Variants in PRKN observed in about 807,000 individuals in gnomAD.
PRKN encodes the protein parkin RBR E3 ubiquitin protein ligase.
In PRKN, 56 loss-of-function variants were observed where a neutral mutation model predicts 59.5. The ratio of observed to expected loss-of-function variants is 0.94; its 90% CI spans 0.76 to 1.18. PRKN has a LOEUF of 1.18. PRKN is among the 50% of genes most tolerant of loss of function. The probability of loss-of-function intolerance (pLI) is 0.00; values close to 1 mark genes in which losing one functional copy is unlikely to be tolerated. For synonymous variants in PRKN, 250 were observed against 222.1 expected (o/e 1.13, Z -1.12); for missense variants, 657 against 596.4 (o/e 1.10, Z -1.06).
At chr6:161,752,578 A>G (rs985253652) in intron 7 of PRKN, among the ~76,000 whole-genome samples, 2 of 152,076 alleles carry the variant, frequency 1.3e-5, no homozygotes, top group Admixed American at 6.6e-5. Context: ...CTGTAGTCCC[A>G]GATACTCAGG....
In PRKN at chr6:161,669,628, C is replaced by T. The variant is rs545242685; in HGVS notation, c.872-100212G>A. Among the ~76,000 whole-genome samples the T allele has an allele frequency of 8.7e-4, 133 of 152,310 alleles. 1 individual carries two copies. Among genetic ancestry groups the T allele is most frequent in the Non-Finnish European group, 2.6e-4 (18 of 68,030 alleles). On this transcript the variant is annotated intron_variant, in intron 7 of 11. Coordinates refer to ENST00000366898, the MANE Select transcript of PRKN (RefSeq NM_004562.3). The stretch of plus-strand genomic sequence containing the variant: ...CCACACAGAGAGACAGGTTCATTTA[C>T]GTCTCTTTAAAAATGGTTCTTCTGC...
At chr6:162,577,561 T>C (rs140622557) in intron 1 of PRKN, among the ~76,000 whole-genome samples, 1,566 of 151,124 alleles carry the variant, frequency 0.01, 27 homozygotes, top group African/African-American at 0.036. Flanking sequence ...GATCACACCA[T>C]GGCACTCCAG....
chr6:162,368,520 TGGCCCTCCTA>T (rs67034945), intron 2 of PRKN, among the ~76,000 whole-genome samples: 43,128 of 151,818 alleles, frequency 0.28, 6,246 homozygotes, highest in African/African-American at 0.31. Flanking sequence ...CTTCTTTCTG[TGGCCCTCCTA>T]GGCTTGTCAC....
At chr6:161,770,732 T>C (rs1263457256) in intron 7 of PRKN, among the ~76,000 whole-genome samples, 1 of 152,126 alleles carries the variant, frequency 6.6e-6, no homozygotes, top group East Asian at 1.9e-4. Flanking sequence ...CCTCCCAAAA[T>C]GGTGGCATTA....
chr6:161,625,659 C>A (rs931186368), intron 7 of PRKN, among the ~76,000 whole-genome samples: 2 of 152,148 alleles, frequency 1.3e-5, no homozygotes, highest in East Asian at 1.9e-4. Flanking sequence ...AGCAATGTGG[C>A]GGCTACGTAG....
At chr6:162,044,213 A>G (rs1784171255) in intron 5 of PRKN, among the ~76,000 whole-genome samples, 1 of 152,230 alleles carries the variant, frequency 6.6e-6, no homozygotes, top group Admixed American at 6.5e-5. Flanking sequence ...AGACTTCGCA[A>G]CTGCTGTCTC....
rs1412684242 is a variant in PRKN, at chr6:161,348,773, C to T, written c.*1326G>A. The T allele has an allele frequency of 4.8e-6, 1 of 209,742 alleles. No homozygotes were observed. The highest frequency in any genetic ancestry group is 2.3e-5 in the African/African-American group (1 of 43,986). 13.0% of individuals were successfully genotyped at this position (209,742 alleles called of 1,614,324 possible). On this transcript the variant is annotated 3_prime_UTR_variant, in exon 12 of 12. Coordinates refer to ENST00000366898, the MANE Select transcript of PRKN (RefSeq NM_004562.3). This position sits in a 1 kb window ranked among gnomAD's most constrained non-coding sequence, Gnocchi z 4.9. The stretch of plus-strand genomic sequence containing the variant: ...TTCACGATCTTCCTGAGAAGTCAGA[C>T]AATACAGGTAGAACAAAAGATAGTG...
At chr6:162,663,864 G>A (rs577948279) in intron 1 of PRKN, among the ~76,000 whole-genome samples, 2 of 152,046 alleles carry the variant, frequency 1.3e-5, no homozygotes, top group East Asian at 3.9e-4. Context: ...TACTGGTGAA[G>A]CCCCACAATA....
At position 161,385,472 on chromosome 6, in the gene PRKN, G is replaced by T. The variant is rs1268694576; in HGVS notation, c.1167+1322C>A. On this transcript the variant is annotated intron_variant, in intron 10 of 11. Coordinates refer to ENST00000366898, the MANE Select transcript of PRKN (RefSeq NM_004562.3). This position sits in a 1 kb window ranked among gnomAD's most constrained non-coding sequence, Gnocchi z 4.9. ...TAATCTTTAACACCAAGGCTGGATG[G>T]TTCCTCTTGACTGAAGAATGAATGG... 2.0e-5 allele frequency among the ~76,000 whole-genome samples: 3 copies of T among 152,188 alleles called. No individual in the cohort carries two copies. Among genetic ancestry groups the T allele is most frequent in the Non-Finnish European group, 4.4e-5 (3 of 68,042 alleles).
intron 7 of PRKN, among the ~76,000 whole-genome samples, chr6:161,651,395 C>T (rs1174818986): frequency 6.6e-6 from 1 of 152,194 alleles, no homozygotes; most frequent in Non-Finnish European, 1.5e-5. Context: ...CCTGTATGTT[C>T]CTCCTGAATA....
chr6:161,987,559 A>G (rs1044220726), intron 5 of PRKN, among the ~76,000 whole-genome samples: 2 of 152,248 alleles, frequency 1.3e-5, no homozygotes, highest in African/African-American at 4.8e-5. Flanking sequence ...ATCATGTAGA[A>G]TACCTAATAC....
chr6:161,828,954 C>T (rs1792361035), intron 6 of PRKN, among the ~76,000 whole-genome samples: 1 of 150,642 alleles, frequency 6.6e-6, no homozygotes, highest in Non-Finnish European at 1.5e-5. Context: ...GAGCCGGTTG[C>T]GACGGCTCAC....
At chr6:161,670,526 ACCAGT>A (rs1784869790) in intron 7 of PRKN, among the ~76,000 whole-genome samples, 1 of 152,040 alleles carries the variant, frequency 6.6e-6, no homozygotes, top group Non-Finnish European at 1.5e-5. Context: ...TATAAAATAC[ACCAGT>A]CAAGCTGGGC....
rs1051140081 is a variant in PRKN at position 161,377,661 on chromosome 6, G to A, written c.1167+9133C>T. 2.0e-5 allele frequency among the ~76,000 whole-genome samples: 3 copies of A among 152,184 alleles called. No individual in the cohort carries two copies. The highest frequency in any genetic ancestry group is 4.4e-5 in the Non-Finnish European group (3 of 68,038). On this transcript the variant is annotated intron_variant, in intron 10 of 11. Transcript: ENST00000366898. This position sits in a 1 kb window ranked among gnomAD's most constrained non-coding sequence, Gnocchi z 4.2. ...CTAATCACCAAGGCGGTGGGATTAG[G>A]AGGTGAGGCCTTTGCAAGGTGATTG...
In PRKN at chr6:162,400,457, C is replaced by CAA. The variant is rs3081908; in HGVS notation, c.171+42851_171+42852dup. The stretch of plus-strand genomic sequence containing the variant: ...CTTTCCCACAGCAACATGTAAATAT[C>CAA]AAAAAAAAAAAAAAAAAAAAAAGCT... On this transcript the variant is annotated intron_variant, in intron 2 of 11. Coordinates refer to ENST00000366898, the MANE Select transcript of PRKN (RefSeq NM_004562.3). 1.2e-3 allele frequency among the ~76,000 whole-genome samples: 122 copies of CAA among 98,656 alleles called. 1 individual carries two copies. The highest frequency in any genetic ancestry group is 2.5e-3 in the African/African-American group (65 of 26,118). 64.7% of individuals were successfully genotyped at this position (98,656 alleles called of 152,430 possible). A position where few individuals can be genotyped will look rare whatever the true frequency, so the allele number is the denominator to read the frequency against.
intron 6 of PRKN, among the ~76,000 whole-genome samples, chr6:161,820,684 A>G (rs1791985755): frequency 6.7e-6 from 1 of 148,442 alleles, no homozygotes; most frequent in Admixed American, 6.7e-5. Context: ...GGCAATTTTT[A>G]TAAGTATAAA....
chr6:162,279,622 A>G (rs1780797314), intron 2 of PRKN, among the ~76,000 whole-genome samples: 2 of 152,108 alleles, frequency 1.3e-5, no homozygotes, highest in South Asian at 4.1e-4. Flanking sequence ...TCAATTTTAG[A>G]ACAAGTGCTA....
chr6:161,511,611 T>C (rs1392050000), intron 9 of PRKN, among the ~76,000 whole-genome samples: 1 of 152,192 alleles, frequency 6.6e-6, no homozygotes, highest in Admixed American at 6.5e-5. Flanking sequence ...TTAGGAATTA[T>C]GGTCATACTG....
rs1324927443 is a variant in PRKN, at chr6:161,547,916, C to A, written c.1083+938G>T. Among the ~76,000 whole-genome samples the A allele has an allele frequency of 6.6e-6, 1 of 152,130 alleles. No individual in the cohort carries two copies. Among genetic ancestry groups the A allele is most frequent in the African/African-American group, 2.4e-5 (1 of 41,428 alleles). On this transcript the variant is annotated intron_variant, in intron 9 of 11. Coordinates refer to ENST00000366898, the MANE Select transcript of PRKN (RefSeq NM_004562.3). This position sits in a 1 kb window ranked among gnomAD's most constrained non-coding sequence, Gnocchi z 4.0. ...ATTGCTCAACCCAGGATTTTATGAG[C>A]CCCACTGCATGACATACAGGAAGCT...
Sources: gnomAD v4.1 joint callset for allele counts (sites outside exome capture counted in the v4.1 genomes callset) on GRCh38, gnomAD v4.1.1 for gene constraint, Gnocchi (gnomAD v3.1) non-coding constraint, MANE v1.5 for transcripts, NCBI Gene and HGNC (gene_info 2026-07-23, HGNC 2026-07-21) for gene names.